The following USH2A variants were observed in gnomAD, a reference collection of about 807,000 sequenced individuals.
USH2A encodes Usher syndrome 2A (autosomal recessive, mild).
In USH2A, 443 loss-of-function variants were observed where a neutral mutation model predicts 538.9. The observed-to-expected ratio is 0.82, with a 90% CI of 0.76 to 0.89. The LOEUF (loss-of-function observed/expected upper bound fraction) is 0.89, where lower values mean the gene tolerates loss of function less well. Among genes scored for constraint, USH2A ranks in the 40% least tolerant of loss-of-function variants. The probability of loss-of-function intolerance (pLI) is 0.00; values close to 1 mark genes in which losing one functional copy is unlikely to be tolerated. For synonymous variants in USH2A, 2,413 were observed against 2,273.5 expected (o/e 1.06, Z -1.75); for missense variants, 6,633 against 6,324.8 (o/e 1.05, Z -1.65).
In USH2A at chr1:216,070,158, G is replaced by C. The variant is rs777886737; in HGVS notation, c.5992C>G (p.Arg1998Gly). Residue 1998 changes from arginine (R) to glycine (G), a missense_variant, in exon 30 of 72, where the codon CGT (arginine) becomes GGT (glycine). Transcript: ENST00000307340. ...ILKAYSEDST[R>G]PPRMPSASAE... Reference sequence around the variant, plus strand: ...CTGGCAGAGGGCATGCGGGGTGGACGGGTGCTGTCCTCACTATAGGCTTTC... The same window carrying C: ...CTGGCAGAGGGCATGCGGGGTGGACCGGTGCTGTCCTCACTATAGGCTTTC... 1 of 1,613,938 alleles carries C rather than the reference G, an allele frequency of 6.2e-7. No individual in the cohort carries two copies. The highest frequency in any genetic ancestry group is 8.5e-7 in the Non-Finnish European group (1 of 1,179,946).
chr1:216,000,870 C>T (rs1015681007), intron 32 of USH2A, among the ~76,000 whole-genome samples: 5 of 152,094 alleles, frequency 3.3e-5, no homozygotes, highest in Admixed American at 1.3e-4. Context: ...AGTTCAATGG[C>T]TCTGTTTAAA....
intron 60 of USH2A, among the ~76,000 whole-genome samples, chr1:215,735,868 A>G (rs1419421599): frequency 6.6e-6 from 1 of 152,182 alleles, no homozygotes; most frequent in Non-Finnish European, 1.5e-5. Context: ...GGCTTTGGAC[A>G]ACATATCTAG....
intron 35 of USH2A, among the ~76,000 whole-genome samples, chr1:215,977,746 T>A (rs141180806): frequency 0.019 from 2,821 of 152,168 alleles, 80 homozygotes; most frequent in African/African-American, 0.065. Flanking sequence ...CTCCTGACCT[T>A]GTGATCCACC....
Position 216,211,142 on chromosome 1 carries a change from A to G in USH2A, c.3158-3711T>C, listed in dbSNP as rs145690736. Among the ~76,000 whole-genome samples the G allele has an allele frequency of 5.8e-3, 878 of 152,174 alleles. 7 individuals carry two copies. The highest frequency in any genetic ancestry group is 9.1e-3 in the Non-Finnish European group (621 of 68,018). ...CGTATCTTGTCCTATGCATTGCTTC[A>G]TCTGTATCTTTGCAATATCCTGTAT... On this transcript the variant is annotated intron_variant, in intron 15 of 71. Coordinates refer to ENST00000307340, the MANE Select transcript of USH2A (RefSeq NM_206933.4).
rs920810354 is a variant in USH2A at position 215,624,271 on chromosome 1, A to T, written c.*1510T>A. On this transcript the variant is annotated 3_prime_UTR_variant, in exon 72 of 72. Transcript: ENST00000307340. The stretch of plus-strand genomic sequence containing the variant: ...TTATGGTTGGCAAACTTTGTCTAGG[A>T]GTTGGTCAGTCTGAGGAGCTGCTCT... 1.3e-5 allele frequency: 2 copies of T among 152,142 alleles called. No individual in the cohort carries two copies. Among genetic ancestry groups the T allele is most frequent in the East Asian group, 3.9e-4 (2 of 5,194 alleles). The allele number at this position is 152,142 out of a possible 1,614,324, so 9.4% of individuals were successfully genotyped here. A position where few individuals can be genotyped will look rare whatever the true frequency, so the allele number is the denominator to read the frequency against.
chr1:216,134,794 T>C (rs756221373), intron 21 of USH2A, among the ~76,000 whole-genome samples: 1 of 152,110 alleles, frequency 6.6e-6, no homozygotes, highest in Non-Finnish European at 1.5e-5. Flanking sequence ...CTTGATTGTA[T>C]TAAAATTAAA....
chr1:215,671,354 C>A (rs1657810613), intron 63 of USH2A, 61 bp from the exon 64 acceptor site: 3 of 1,521,080 alleles, frequency 2.0e-6, no homozygotes, highest in African/African-American at 2.7e-5. Flanking sequence ...TGGGAAGAAT[C>A]TTTAAAACAC....
intron 3 of USH2A, among the ~76,000 whole-genome samples, chr1:216,387,666 T>A: frequency 6.6e-6 from 1 of 152,316 alleles, no homozygotes; most frequent in Admixed American, 6.5e-5. Flanking sequence ...AAACACAGAA[T>A]CTATTAAGTA....
intron 50 of USH2A, among the ~76,000 whole-genome samples, chr1:215,795,461 T>C (rs1662099735): frequency 1.3e-5 from 2 of 152,316 alleles, no homozygotes; most frequent in South Asian, 4.1e-4. Context: ...TCTTGGCCAT[T>C]TTTACACTTG....
intron 3 of USH2A, among the ~76,000 whole-genome samples, chr1:216,399,914 A>C (rs1369130735): frequency 6.8e-6 from 1 of 147,014 alleles, no homozygotes; most frequent in Non-Finnish European, 1.5e-5. Flanking sequence ...GCCTCTGTGC[A>C]CACCTCAATG....
chr1:216,269,942 C>A (rs1420786797), intron 11 of USH2A, among the ~76,000 whole-genome samples: 2 of 152,034 alleles, frequency 1.3e-5, no homozygotes, highest in East Asian at 3.9e-4. Flanking sequence ...AGATAAAATT[C>A]TATGAGGGTG....
chr1:216,035,043 C>A (rs1222233780), intron 32 of USH2A, among the ~76,000 whole-genome samples: 2 of 152,188 alleles, frequency 1.3e-5, no homozygotes, highest in African/African-American at 2.4e-5. Flanking sequence ...ATTTTCATTA[C>A]TGTCATGGGC....
intron 55 of USH2A, among the ~76,000 whole-genome samples, chr1:215,768,039 G>C (rs1022775230): frequency 6.6e-6 from 1 of 151,424 alleles, no homozygotes; most frequent in South Asian, 2.1e-4. Context: ...CGCATATTTT[G>C]TTCTTTTGGT....
At chr1:216,137,804 T>G (rs967381535) in intron 21 of USH2A, among the ~76,000 whole-genome samples, 1 of 152,314 alleles carries the variant, frequency 6.6e-6, no homozygotes, top group East Asian at 1.9e-4. Context: ...CCAGGATCAG[T>G]ACTTTGTATC....
intron 61 of USH2A, among the ~76,000 whole-genome samples, chr1:215,701,516 T>C (rs1301119515): frequency 6.6e-6 from 1 of 152,232 alleles, no homozygotes; most frequent in African/African-American, 2.4e-5. Context: ...ATTGGGTGCA[T>C]ATAGATTTAG....
At chr1:215,762,667 ATATTAATG>A (rs758718465) in intron 56 of USH2A, among the ~76,000 whole-genome samples, 2 of 152,178 alleles carry the variant, frequency 1.3e-5, no homozygotes, top group Non-Finnish European at 2.9e-5. Context: ...TTGGTGAGAT[ATATTAATG>A]AGTCCGAGGT....
At chr1:216,016,161 G>C (rs1668706359) in intron 32 of USH2A, among the ~76,000 whole-genome samples, 1 of 150,828 alleles carries the variant, frequency 6.6e-6, no homozygotes, top group Admixed American at 6.6e-5. Flanking sequence ...CATGGACACA[G>C]GGTGGGGAAC....
intron 3 of USH2A, among the ~76,000 whole-genome samples, chr1:216,370,550 C>A (rs143057252): frequency 6.7e-6 from 1 of 148,614 alleles, no homozygotes; most frequent in African/African-American, 2.5e-5. Context: ...TATGGTGGCA[C>A]GAGCCTGTAA....
intron 61 of USH2A, among the ~76,000 whole-genome samples, chr1:215,694,299 C>T (rs12402502): frequency 0.28 from 42,410 of 152,092 alleles, 7,330 homozygotes; most frequent in Non-Finnish European, 0.38. Flanking sequence ...TCTTGCCAGG[C>T]GTGGTGGCTC....
Sources: allele counts gnomAD v4.1 joint callset (sites outside exome capture counted in the v4.1 genomes callset), GRCh38; gene constraint gnomAD v4.1.1; transcripts MANE v1.5; gene names NCBI Gene and HGNC (gene_info 2026-07-23, HGNC 2026-07-21).